The following CDH13 variants were observed in gnomAD, a reference collection of about 807,000 sequenced individuals.
The protein encoded by CDH13 is cadherin 13.
CDH13 carries 24 observed loss-of-function variants against 63.8 expected under a neutral mutation model. The observed-to-expected ratio is 0.38, with a 90% CI of 0.27 to 0.53. The LOEUF (loss-of-function observed/expected upper bound fraction) is 0.53. CDH13 is among the 20% of genes least tolerant of loss of function. The pLI, the probability that CDH13 is intolerant of heterozygous loss-of-function variation, is 0.85. For missense variants in CDH13, 1,049 were observed against 903.1 expected, an observed-to-expected ratio of 1.16 and a Z score of -2.07; for synonymous variants, 503 against 355.3, an observed-to-expected ratio of 1.42 and a Z score of -4.67.
At chr16:83,508,461 T>G (rs1478626707) in intron 7 of CDH13, 1 of 153,166 alleles carries the variant, frequency 6.5e-6, no homozygotes. Flanking sequence ...CCATACAGGC[T>G]TTCAACCTGT....
At chr16:82,939,603 T>A (rs1490811073) in intron 2 of CDH13, among the ~76,000 whole-genome samples, 2 of 152,116 alleles carry the variant, frequency 1.3e-5, no homozygotes, top group African/African-American at 4.8e-5. Flanking sequence ...ATATTCTAAC[T>A]GAAGCAAATG....
At chr16:83,651,842 G>A (rs907276393) in intron 8 of CDH13, among the ~76,000 whole-genome samples, 6 of 152,066 alleles carry the variant, frequency 3.9e-5, no homozygotes, top group African/African-American at 1.4e-4. Context: ...TGATCTGCCT[G>A]CTTCAGCCTC....
intron 7 of CDH13, among the ~76,000 whole-genome samples, chr16:83,519,450 A>G (rs760840414): frequency 6.6e-6 from 1 of 152,360 alleles, no homozygotes; most frequent in South Asian, 2.1e-4. Context: ...ACTTCAATGA[A>G]AATGAATTTC....
chr16:83,662,806 C>A (rs934241483), intron 8 of CDH13, among the ~76,000 whole-genome samples: 1 of 152,146 alleles, frequency 6.6e-6, no homozygotes, highest in Non-Finnish European at 1.5e-5. Flanking sequence ...GAATAGAAAC[C>A]TGCTCAAGGC....
chr16:83,522,739 A>G (rs745490986), intron 7 of CDH13, among the ~76,000 whole-genome samples: 1 of 152,156 alleles, frequency 6.6e-6, no homozygotes, highest in Admixed American at 6.5e-5. Flanking sequence ...AGGTGGTGAC[A>G]GGTGGCATCA....
At chr16:82,954,564 A>G (rs137976024) in intron 2 of CDH13, 2 of 152,206 alleles carry the variant, frequency 1.3e-5, no homozygotes, top group East Asian at 3.9e-4. Context: ...AAGGCTACCA[A>G]TGTCCAATAA....
At chr16:83,678,499 G>A (rs1463506531) in intron 10 of CDH13, 38 bp downstream of exon 10, 2 of 1,610,808 alleles carry the variant, frequency 1.2e-6, no homozygotes, top group Admixed American at 1.7e-5. Context: ...CGGGAGGTGG[G>A]CAGGAATGGC....
At chr16:82,875,311 G>A (rs61538662) in intron 2 of CDH13, among the ~76,000 whole-genome samples, 1,690 of 152,254 alleles carry the variant, frequency 0.011, 36 homozygotes, top group African/African-American at 0.039. Context: ...GTTGAAAAGC[G>A]TTTTGTTGGC....
At chr16:82,891,024 G>C (rs898694738) in intron 2 of CDH13, among the ~76,000 whole-genome samples, 1 of 142,952 alleles carries the variant, frequency 7.0e-6, no homozygotes, top group East Asian at 2.1e-4. Flanking sequence ...AGGACATTAA[G>C]TCATAGAGGA....
chr16:82,659,661 G>A (rs1288044328), intron 1 of CDH13, among the ~76,000 whole-genome samples: 3 of 152,140 alleles, frequency 2.0e-5, no homozygotes, highest in Non-Finnish European at 2.9e-5. Context: ...GGTACTGTGC[G>A]AGGCACTGGA....
At chr16:83,399,510 C>G (rs551036459) in intron 6 of CDH13, among the ~76,000 whole-genome samples, 1 of 152,188 alleles carries the variant, frequency 6.6e-6, no homozygotes, top group Non-Finnish European at 1.5e-5. Flanking sequence ...TCCCATCCCA[C>G]ATGGTCTTCT....
At chr16:83,518,616 G>A (rs1345231739) in intron 7 of CDH13, among the ~76,000 whole-genome samples, 2 of 150,870 alleles carry the variant, frequency 1.3e-5, no homozygotes, top group African/African-American at 4.9e-5. Context: ...GGGACTACAG[G>A]CACCTGCCAC....
At chr16:83,229,216 C>T (rs1365111060) in intron 5 of CDH13, among the ~76,000 whole-genome samples, 3 of 152,140 alleles carry the variant, frequency 2.0e-5, no homozygotes, top group Non-Finnish European at 4.4e-5. Context: ...CAATAACATT[C>T]AAATTGTCAT....
rs371341706 is a variant in CDH13 at position 82,866,476 on chromosome 16, C to T, written c.157+8003C>T. Among the ~76,000 whole-genome samples, 1,320 of 143,906 alleles carry T rather than the reference C, an allele frequency of 9.2e-3. 26 individuals are homozygous for T. Among genetic ancestry groups the T allele is most frequent in the African/African-American group, 0.033 (1,274 of 38,758 alleles). The allele number at this position is 143,906 out of a possible 152,430, so 94.4% of individuals were successfully genotyped here. A position where few individuals can be genotyped will look rare whatever the true frequency, so the allele number is the denominator to read the frequency against. Reference sequence around the variant, plus strand: ...CGATCTCAGCTCACTGCAACCTCTGCCTCCCGGGTTCAAGCGATTCTCCTG... The same window carrying T: ...CGATCTCAGCTCACTGCAACCTCTGTCTCCCGGGTTCAAGCGATTCTCCTG... On this transcript the variant is annotated intron_variant, in intron 2 of 13. Coordinates refer to ENST00000567109, the MANE Select transcript of CDH13 (RefSeq NM_001257.5).
At chr16:83,108,315 G>T (rs2034884637) in intron 3 of CDH13, among the ~76,000 whole-genome samples, 1 of 152,156 alleles carries the variant, frequency 6.6e-6, no homozygotes, top group Admixed American at 6.5e-5. Context: ...AAATGTTTGT[G>T]TTGCAGAACT....
chr16:83,415,619 A>G (rs11645020), intron 6 of CDH13, among the ~76,000 whole-genome samples: 10 of 152,200 alleles, frequency 6.6e-5, no homozygotes, highest in Non-Finnish European at 1.5e-4. Flanking sequence ...AAATCAATCA[A>G]TGTGATACAC....
At chr16:83,600,957 G>A (rs528207800) in intron 7 of CDH13, among the ~76,000 whole-genome samples, 1 of 152,122 alleles carries the variant, frequency 6.6e-6, no homozygotes, top group African/African-American at 2.4e-5. Context: ...CCCCTCCTGT[G>A]GTCATGAGAT....
chr16:83,758,491 C>T lies in CDH13; in HGVS notation c.1681+10241C>T, dbSNP rs568559431. ...AAAATAACAGAAGGAGCTGCTGCTACAGCAAACATCTTCCTCAATGGTGAA... is the reference window on the plus strand; with the variant it reads ...AAAATAACAGAAGGAGCTGCTGCTATAGCAAACATCTTCCTCAATGGTGAA... On this transcript the variant is annotated intron_variant, in intron 11 of 13. Coordinates refer to ENST00000567109, the MANE Select transcript of CDH13 (RefSeq NM_001257.5). 9.2e-5 allele frequency among the ~76,000 whole-genome samples: 14 copies of T among 152,146 alleles called. No homozygotes were observed. The South Asian group carries it at 2.9e-3, about 32-fold the overall frequency.
At chr16:83,002,748 T>G (rs140161262) in intron 2 of CDH13, among the ~76,000 whole-genome samples, 1,621 of 151,420 alleles carry the variant, frequency 0.011, 27 homozygotes, top group African/African-American at 0.034. Flanking sequence ...TGGGAGGAGG[T>G]GAGGGAATGT....
Sources: allele counts gnomAD v4.1 joint callset (sites outside exome capture counted in the v4.1 genomes callset), GRCh38; gene constraint gnomAD v4.1.1; transcripts MANE v1.5; gene names NCBI Gene and HGNC (gene_info 2026-07-23, HGNC 2026-07-21).